KCNN3: variants seen among roughly 807,000 people sequenced by gnomAD.
KCNN3 encodes potassium calcium-activated channel subfamily N member 3, also known as small conductance calcium-activated potassium channel protein 3.
A neutral mutation model predicts 62.9 loss-of-function variants in KCNN3; 16 were observed. The observed-to-expected ratio is 0.25, with a 90% CI of 0.17 to 0.39. The LOEUF is 0.39. Ranked by LOEUF, KCNN3 falls within the 10% of genes least tolerant of loss-of-function variation. KCNN3 has a pLI of 1.00. For missense variants in KCNN3, 599 were observed against 949.4 expected (o/e 0.63, Z 4.85); for synonymous variants, 370 against 389.2 (o/e 0.95, Z 0.58).
chr1:154,809,831 G>C lies in KCNN3; in HGVS notation c.1029+12258C>G, dbSNP rs557305348. On this transcript the variant is annotated intron_variant, in intron 2 of 7. Transcript: ENST00000271915. The surrounding 1 kb of genome is among the most constrained non-coding windows in gnomAD (Gnocchi z 4.3). ...TTAGCAGCTCATGAGAAGACAGAGG[G>C]GTTTTAGTAAATATTCAATTCAATA... Among the ~76,000 whole-genome samples the C allele has an allele frequency of 6.6e-6, 1 of 152,154 alleles. No individual in the cohort carries two copies. The highest frequency in any genetic ancestry group is 6.5e-5 in the Admixed American group (1 of 15,278).
At chr1:154,793,177 C>T (rs1280390947) in intron 2 of KCNN3, among the ~76,000 whole-genome samples, 9 of 152,180 alleles carry the variant, frequency 5.9e-5, no homozygotes, top group African/African-American at 2.2e-4. Context: ...AGGTGTCAGA[C>T]ATGCAAACCA....
chr1:154,809,124 C>T lies in KCNN3; in HGVS notation c.1029+12965G>A, dbSNP rs916792946. On this transcript the variant is annotated intron_variant, in intron 2 of 7. Coordinates refer to ENST00000271915, the MANE Select transcript of KCNN3 (RefSeq NM_002249.6). This position sits in a 1 kb window ranked among gnomAD's most constrained non-coding sequence, Gnocchi z 4.3. The stretch of plus-strand genomic sequence containing the variant: ...CAGTGTCTCTGAGAACGTCCAGCCA[C>T]GGTGGCCATGCCTCAGCACTCTCCT... Among the ~76,000 whole-genome samples, 5 of 152,212 alleles carry T rather than the reference C, an allele frequency of 3.3e-5. No homozygotes were observed. Among genetic ancestry groups the T allele is most frequent in the Non-Finnish European group, 7.3e-5 (5 of 68,040 alleles).
rs1699929294 is a variant in KCNN3, at chr1:154,704,626, GAAT to G, written c.*3347_*3349del. The G allele has an allele frequency of 6.6e-6, 1 of 152,106 alleles. No individual in the cohort carries two copies. Among genetic ancestry groups the G allele is most frequent in the Non-Finnish European group, 1.5e-5 (1 of 68,020 alleles). 9.4% of individuals were successfully genotyped at this position (152,106 alleles called of 1,614,324 possible). On this transcript the variant is annotated 3_prime_UTR_variant, in exon 8 of 8. Transcript: ENST00000271915. ...TAATTCAAGTGTCTAGATATTTTAG[GAAT>G]ATTAGAGTGATTTTACCTGTCACTG...
In KCNN3 at chr1:154,722,066, C is replaced by T. The variant is rs558593625; in HGVS notation, c.1701+3850G>A. ...TTACCCAGTGCTATCAGACCCTCTT[C>T]CCTCCCTACAAACAAATAAATAAAA... On this transcript the variant is annotated intron_variant, in intron 5 of 7. Transcript: ENST00000271915. Among the ~76,000 whole-genome samples the T allele has an allele frequency of 5.0e-4, 76 of 152,072 alleles. 1 individual carries two copies. The highest frequency in any genetic ancestry group is 1.6e-3 in the Admixed American group (25 of 15,284).
intron 5 of KCNN3, among the ~76,000 whole-genome samples, chr1:154,716,833 C>A (rs932266441): frequency 3.3e-5 from 5 of 152,136 alleles, no homozygotes; most frequent in African/African-American, 1.2e-4. Context: ...GAACAGCAGC[C>A]TCCTGGCAAA....
At chr1:154,742,990 C>A (rs1195634402) in intron 3 of KCNN3, among the ~76,000 whole-genome samples, 1 of 152,212 alleles carries the variant, frequency 6.6e-6, no homozygotes, top group African/African-American at 2.4e-5. Flanking sequence ...CCCTTCTCTT[C>A]ATTTGGTGAC....
chr1:154,843,503 C>T (rs1202607505), intron 1 of KCNN3, among the ~76,000 whole-genome samples: 3 of 152,058 alleles, frequency 2.0e-5, no homozygotes, highest in Non-Finnish European at 4.4e-5. Flanking sequence ...TGGCCTCAAG[C>T]AAGTCTCCCA....
chr1:154,803,374 G>A (rs1471150000), intron 2 of KCNN3, among the ~76,000 whole-genome samples: 1 of 152,236 alleles, frequency 6.6e-6, no homozygotes, highest in Non-Finnish European at 1.5e-5. Flanking sequence ...CTCCAACAGA[G>A]GCAGTGACAC....
chr1:154,866,795 C>T lies in KCNN3; in HGVS notation c.933+2237G>A, dbSNP rs1210999322. 6.6e-5 allele frequency among the ~76,000 whole-genome samples: 10 copies of T among 152,170 alleles called. No individual in the cohort carries two copies. In the East Asian group the frequency reaches 7.7e-4, roughly 12 times the overall value. ...TATGAGGGTCTGTGATTCAGAAATG[C>T]GGGGAGCCAAGCACCTCAGGTGGCC... On this transcript the variant is annotated intron_variant, in intron 1 of 7. Coordinates refer to ENST00000271915, the MANE Select transcript of KCNN3 (RefSeq NM_002249.6).
intron 3 of KCNN3, among the ~76,000 whole-genome samples, chr1:154,743,415 G>A (rs973452225): frequency 9.9e-5 from 15 of 152,188 alleles, no homozygotes; most frequent in Non-Finnish European, 1.2e-4. Flanking sequence ...AGTCCCCTGG[G>A]GCCCCCAACC....
At chr1:154,709,713 T>C (rs938924775) in intron 7 of KCNN3, among the ~76,000 whole-genome samples, 5 of 152,214 alleles carry the variant, frequency 3.3e-5, no homozygotes, top group Non-Finnish European at 5.9e-5. Flanking sequence ...GTGTCGTGGA[T>C]GCCCTTGGAG....
At chr1:154,813,412 C>T (rs527804626) in intron 2 of KCNN3, among the ~76,000 whole-genome samples, 1 of 152,212 alleles carries the variant, frequency 6.6e-6, no homozygotes, top group East Asian at 1.9e-4. Context: ...CCCGGGCCGC[C>T]TCCTCTTCCT....
At chr1:154,755,813 GGC>G (rs1647649522) in intron 3 of KCNN3, among the ~76,000 whole-genome samples, 1 of 136,204 alleles carries the variant, frequency 7.3e-6, no homozygotes. Flanking sequence ...AGAAGAAGAA[GGC>G]AAAGAAGAAG....
rs1699876217 is a variant in KCNN3, at chr1:154,702,648, T to C, written c.*5328A>G. The stretch of plus-strand genomic sequence containing the variant: ...TGACACAGCTAGAGAATGTTGTTTA[T>C]TCCTTGTCCTTCTTGAGTGAAGCTG... On this transcript the variant is annotated 3_prime_UTR_variant, in exon 8 of 8. Coordinates refer to ENST00000271915, the MANE Select transcript of KCNN3 (RefSeq NM_002249.6). The C allele has an allele frequency of 6.8e-6, 1 of 147,306 alleles. No individual in the cohort carries two copies. The highest frequency in any genetic ancestry group is 2.0e-4 in the East Asian group (1 of 4,984). 9.1% of individuals were successfully genotyped at this position (147,306 alleles called of 1,614,324 possible).
chr1:154,720,149 T>C (rs1450473326), intron 5 of KCNN3, among the ~76,000 whole-genome samples: 2 of 152,224 alleles, frequency 1.3e-5, no homozygotes, highest in East Asian at 3.8e-4. Context: ...GCCTGCCTGA[T>C]GGTCTGAGAG....
chr1:154,790,211 G>T (rs1032111157), intron 2 of KCNN3, among the ~76,000 whole-genome samples: 3 of 152,178 alleles, frequency 2.0e-5, no homozygotes, highest in Non-Finnish European at 2.9e-5. Flanking sequence ...GATTACAGGC[G>T]TGAGCCACCA....
chr1:154,721,871 G>A (rs77607020), intron 5 of KCNN3, among the ~76,000 whole-genome samples: 2,507 of 151,410 alleles, frequency 0.017, 33 homozygotes, highest in Non-Finnish European at 0.024. Context: ...TAGTAGCCCA[G>A]AGATTAGCAA....
At chr1:154,766,223 T>A (rs937736418) in intron 3 of KCNN3, among the ~76,000 whole-genome samples, 6 of 151,742 alleles carry the variant, frequency 4.0e-5, no homozygotes, top group African/African-American at 1.4e-4. Flanking sequence ...CTTCATCCCA[T>A]GTGGTAGGCT....
chr1:154,742,682 G>A lies in KCNN3; in HGVS notation c.1449-9538C>T, dbSNP rs571311692. On this transcript the variant is annotated intron_variant, in intron 3 of 7. Coordinates refer to ENST00000271915, the MANE Select transcript of KCNN3 (RefSeq NM_002249.6). ...TGTGACCTTGAGCAGATCACTCCACGGACTCAGGGCCTGCTGCTTCTTCGG... is the reference window on the plus strand; with the variant it reads ...TGTGACCTTGAGCAGATCACTCCACAGACTCAGGGCCTGCTGCTTCTTCGG... Among the ~76,000 whole-genome samples, 5 of 152,362 alleles carry A rather than the reference G, an allele frequency of 3.3e-5. 1 individual carries two copies. In the East Asian group the frequency reaches 7.7e-4, roughly 23 times the overall value.
Sources: allele counts gnomAD v4.1 joint callset (sites outside exome capture counted in the v4.1 genomes callset), GRCh38; gene constraint gnomAD v4.1.1; non-coding constraint Gnocchi (gnomAD v3.1); transcripts MANE v1.5; gene names NCBI Gene and HGNC (gene_info 2026-07-23, HGNC 2026-07-21).